The following AOPEP variants were observed in gnomAD, a reference collection of about 807,000 sequenced individuals.
The protein encoded by AOPEP is aminopeptidase O.
AOPEP carries 77 observed loss-of-function variants against 98.1 expected under a neutral mutation model. The ratio of observed to expected loss-of-function variants is 0.78; its 90% CI spans 0.65 to 0.95. The LOEUF (loss-of-function observed/expected upper bound fraction) is 0.95. Among genes scored for constraint, AOPEP ranks in the 40% least tolerant of loss-of-function variants. AOPEP has a pLI of 0.00. For missense variants in AOPEP, 1,024 were observed against 1,024.7 expected (o/e 1.00, Z 0.01); for synonymous variants, 346 against 365.3 (o/e 0.95, Z 0.60).
chr9:95,146,877 A>T, the AOPEP span, among the ~76,000 whole-genome samples: 6 of 152,072 alleles, frequency 3.9e-5, no homozygotes, highest in African/African-American at 1.4e-4. Flanking sequence ...AAAAATTCTT[A>T]CATTTTTCTT....
chr9:94,968,821 T>G (rs1290599010), intron 10 of AOPEP, among the ~76,000 whole-genome samples: 1 of 152,252 alleles, frequency 6.6e-6, no homozygotes, highest in Non-Finnish European at 1.5e-5. Flanking sequence ...TATCAGGCAC[T>G]GGATCCAGGA....
At chr9:94,754,728 A>G (rs1051998836) in intron 1 of AOPEP, among the ~76,000 whole-genome samples, 1 of 152,248 alleles carries the variant, frequency 6.6e-6, no homozygotes, top group African/African-American at 2.4e-5. Context: ...CAGGAGTTAC[A>G]GGGAATTTTT....
At chr9:94,867,384 T>C (rs2045825921) in intron 5 of AOPEP, among the ~76,000 whole-genome samples, 1 of 152,208 alleles carries the variant, frequency 6.6e-6, no homozygotes, top group African/African-American at 2.4e-5. Flanking sequence ...TCAGTTTACG[T>C]AACAGTTTCC....
intron 9 of AOPEP, among the ~76,000 whole-genome samples, chr9:94,962,016 A>T (rs35135433): frequency 0.035 from 5,365 of 152,250 alleles, 128 homozygotes; most frequent in Non-Finnish European, 0.056. Context: ...CTTGGATGTT[A>T]TGTGTACAGG....
chr9:95,036,825 G>C (rs2064877013), intron 13 of AOPEP, among the ~76,000 whole-genome samples: 1 of 152,028 alleles, frequency 6.6e-6, no homozygotes, highest in Admixed American at 6.6e-5. Context: ...TGAAGGGACT[G>C]TGGGTTTTTA....
rs1038195146 is a variant in AOPEP, at chr9:95,005,673, G to T, written c.2115+57G>T. 1.3e-5 allele frequency: 18 copies of T among 1,372,574 alleles called. No individual in the cohort carries two copies. The Admixed American group carries it at 2.0e-4, about 15-fold the overall frequency. The allele number at this position is 1,372,574 out of a possible 1,614,324, so 85.0% of individuals were successfully genotyped here. On this transcript the variant is annotated intron_variant, in intron 13 of 16. Coordinates refer to ENST00000375315, the MANE Select transcript of AOPEP (RefSeq NM_001193329.3). ...GTCTTGGTAAATCCGCTTCTGCCCC[G>T]TGAGGACCTGGTCATGACAATAGAG...
At position 95,083,112 on chromosome 9, in the gene AOPEP, T is replaced by C. The variant is rs74709593; in HGVS notation, c.*4+393T>C. The C allele has an allele frequency of 4.2e-3, 775 of 184,344 alleles. 25 individuals are homozygous for C. The East Asian group carries it at 0.052, about 12-fold the overall frequency. 11.4% of individuals were successfully genotyped at this position (184,344 alleles called of 1,614,324 possible). A position where few individuals can be genotyped will look rare whatever the true frequency, so the allele number is the denominator to read the frequency against. On this transcript the variant is annotated intron_variant, in intron 16 of 16. Coordinates refer to ENST00000375315, the MANE Select transcript of AOPEP (RefSeq NM_001193329.3). Reference sequence around the variant, plus strand: ...GTCCAGTCTTCAGGGTCACGGCTGATACAGGAGTTTAAGCGGCCGTGTGAC... The same window carrying C: ...GTCCAGTCTTCAGGGTCACGGCTGACACAGGAGTTTAAGCGGCCGTGTGAC...
At chr9:94,762,079 A>G (rs1404675006) in intron 2 of AOPEP, among the ~76,000 whole-genome samples, 1 of 152,216 alleles carries the variant, frequency 6.6e-6, no homozygotes, top group African/African-American at 2.4e-5. Context: ...TACTGCAAAC[A>G]AAGAGATTAG....
chr9:94,885,032 A>G (rs10761362), intron 5 of AOPEP, among the ~76,000 whole-genome samples: 131,031 of 145,814 alleles, frequency 0.9, 59,407 homozygotes, highest in East Asian at 0.97. Context: ...AAAAAATCAG[A>G]CACTGGTGCA....
rs559712840 is a variant in AOPEP, at chr9:95,067,242, C to T, written c.2232+6432C>T. On this transcript the variant is annotated intron_variant, in intron 14 of 16. Coordinates refer to ENST00000375315, the MANE Select transcript of AOPEP (RefSeq NM_001193329.3). ...TGAGCTTTACCCCTTGTGTTCAGGC[C>T]GCTCGCACGGAGTCAGCTTGCGGAA... Among the ~76,000 whole-genome samples, 206 of 152,234 alleles carry T rather than the reference C, an allele frequency of 1.4e-3. 2 individuals are homozygous for T. The highest frequency in any genetic ancestry group is 4.4e-4 in the Non-Finnish European group (30 of 68,022).
intron 5 of AOPEP, among the ~76,000 whole-genome samples, chr9:94,867,478 A>C (rs564257187): frequency 6.6e-6 from 1 of 152,344 alleles, no homozygotes; most frequent in African/African-American, 2.4e-5. Context: ...CGATTCACAG[A>C]GGGAAAGAAA....
At chr9:94,913,301 G>C (rs2052350736) in intron 5 of AOPEP, among the ~76,000 whole-genome samples, 1 of 140,404 alleles carries the variant, frequency 7.1e-6, no homozygotes. Context: ...GAGAGACTTT[G>C]GAGAGACTTT....
chr9:95,085,040 C>T (rs2070440786), intron 16 of AOPEP, among the ~76,000 whole-genome samples: 1 of 152,250 alleles, frequency 6.6e-6, no homozygotes, highest in Non-Finnish European at 1.5e-5. Flanking sequence ...TTATGGTCAT[C>T]TCTGGAGTCC....
At chr9:94,812,036 T>A (rs555401640) in intron 5 of AOPEP, among the ~76,000 whole-genome samples, 1 of 152,154 alleles carries the variant, frequency 6.6e-6, no homozygotes, top group African/African-American at 2.4e-5. Flanking sequence ...CAGGGAACAC[T>A]TCTTCTTCAG....
chr9:94,772,987 GTC>G lies in AOPEP; in HGVS notation c.798-9_798-8del, dbSNP rs753562108. ...AAAGATTCACCCCCTTTCTTTCTTTGTCTCTCTTCTGCAGGCCATGTGTTTAT... is the reference window on the plus strand; with the variant it reads ...AAAGATTCACCCCCTTTCTTTCTTTGTCTCTTCTGCAGGCCATGTGTTTAT... On this transcript the variant is annotated splice_polypyrimidine_tract_variant and intron_variant, in intron 2 of 16. Transcript: ENST00000375315. 1.9e-6 allele frequency: 3 copies of G among 1,567,480 alleles called. No homozygotes were observed. In the East Asian group the frequency reaches 6.8e-5, roughly 36 times the overall value.
chr9:94,828,464 C>T (rs1452213448), intron 5 of AOPEP, among the ~76,000 whole-genome samples: 1 of 152,032 alleles, frequency 6.6e-6, no homozygotes, highest in Non-Finnish European at 1.5e-5. Flanking sequence ...TTATTTAATT[C>T]ATCAAATGTA....
intron 16 of AOPEP, among the ~76,000 whole-genome samples, chr9:95,083,831 G>A (rs1241270718): frequency 6.6e-6 from 1 of 152,194 alleles, no homozygotes; most frequent in Non-Finnish European, 1.5e-5. Flanking sequence ...TTGTTGTGTT[G>A]GAGCGGAATT....
At chr9:95,103,149 C>A in the AOPEP span, among the ~76,000 whole-genome samples, 1 of 151,976 alleles carries the variant, frequency 6.6e-6, no homozygotes, top group African/African-American at 2.4e-5. Flanking sequence ...GAGGACTGTC[C>A]CCCGCTCAGG....
chr9:94,924,198 A>G, intron 6 of AOPEP, 23 bp downstream of exon 6: 1 of 1,332,330 alleles, frequency 7.5e-7, no homozygotes, highest in Non-Finnish European at 9.7e-7. Flanking sequence ...GACCCTAAGT[A>G]TTTCACTACC....
Sources: gnomAD v4.1 joint callset for allele counts (sites outside exome capture counted in the v4.1 genomes callset) on GRCh38, gnomAD v4.1.1 for gene constraint, MANE v1.5 for transcripts, NCBI Gene and HGNC (gene_info 2026-07-23, HGNC 2026-07-21) for gene names.